Variants in TMEM132D observed in about 807,000 individuals in gnomAD.
TMEM132D encodes the protein mature OL transmembrane protein.
TMEM132D carries 21 observed loss-of-function variants against 62.3 expected under a neutral mutation model. The observed-to-expected ratio is 0.34, with a 90% confidence interval of 0.24 to 0.49. The LOEUF is 0.49. Among genes scored for constraint, TMEM132D ranks in the 20% least tolerant of loss-of-function variants. The probability of loss-of-function intolerance (pLI) is 0.99; values close to 1 mark genes in which losing one functional copy is unlikely to be tolerated. For missense variants in TMEM132D, 1,346 were observed against 1,402.8 expected, an observed-to-expected ratio of 0.96 and a Z score of 0.65; for synonymous variants, 621 against 575.6, an observed-to-expected ratio of 1.08 and a Z score of -1.13.
chr12:129,583,149 T>G (rs556860372), intron 2 of TMEM132D, among the ~76,000 whole-genome samples: 72 of 152,348 alleles, frequency 4.7e-4, no homozygotes, highest in African/African-American at 1.6e-3. Context: ...ATGGGAATAA[T>G]TTAAAAGAGG....
intron 5 of TMEM132D, among the ~76,000 whole-genome samples, chr12:129,136,955 C>G (rs1054835303): frequency 2.0e-5 from 3 of 147,286 alleles, no homozygotes; most frequent in Non-Finnish European, 4.5e-5. Context: ...ACCATCATCA[C>G]CATCATTATC....
At chr12:129,166,433 G>A (rs1365252879) in intron 5 of TMEM132D, among the ~76,000 whole-genome samples, 2 of 152,020 alleles carry the variant, frequency 1.3e-5, no homozygotes, top group Non-Finnish European at 2.9e-5. Flanking sequence ...GAATGTGGGC[G>A]GATGTGGCAG....
At chr12:129,452,982 C>G (rs12817134) in intron 3 of TMEM132D, among the ~76,000 whole-genome samples, 20,632 of 152,208 alleles carry the variant, frequency 0.14, 1,683 homozygotes, top group Middle Eastern at 0.23. Context: ...CTGGACCCCA[C>G]AGCAGGAGGT....
intron 2 of TMEM132D, among the ~76,000 whole-genome samples, chr12:129,690,921 A>G (rs11060500): frequency 0.028 from 4,259 of 152,248 alleles, 80 homozygotes; most frequent in South Asian, 0.063. Flanking sequence ...TGAAACATTT[A>G]CCAAGAAAGA....
At chr12:129,397,497 T>C (rs542127888) in intron 3 of TMEM132D, among the ~76,000 whole-genome samples, 1 of 152,300 alleles carries the variant, frequency 6.6e-6, no homozygotes, top group South Asian at 2.1e-4. Flanking sequence ...CTGGAATCCA[T>C]GAGAAACTTC....
At chr12:129,224,086 G>A (rs117858277) in intron 4 of TMEM132D, among the ~76,000 whole-genome samples, 1,903 of 152,274 alleles carry the variant, frequency 0.012, 19 homozygotes, top group Non-Finnish European at 0.02. Flanking sequence ...TCCTGAGGGA[G>A]AAAAATCACT....
In TMEM132D at chr12:129,356,147, A is replaced by ATTTTTTT. The variant is rs35842499; in HGVS notation, c.1116-18337_1116-18331dup. Among the ~76,000 whole-genome samples the ATTTTTTT allele has an allele frequency of 3.3e-4, 12 of 36,546 alleles. 2 individuals are homozygous for ATTTTTTT. The highest frequency in any genetic ancestry group is 8.7e-4 in the African/African-American group (7 of 8,072). The allele number at this position is 36,546 out of a possible 152,430, so 24.0% of individuals were successfully genotyped here. On this transcript the variant is annotated intron_variant, in intron 3 of 8. Coordinates refer to ENST00000422113, the MANE Select transcript of TMEM132D (RefSeq NM_133448.3). Reference sequence around the variant, plus strand: ...GTCTGCTTCTAGAGAAACTGAAGGGATTTTTTTTTTTTTTTTTTTTTTTTT... The same window carrying ATTTTTTT: ...GTCTGCTTCTAGAGAAACTGAAGGGATTTTTTTTTTTTTTTTTTTTTTTTTTTTTTTT...
chr12:129,708,630 AACACAC>A (rs869069705), intron 1 of TMEM132D, among the ~76,000 whole-genome samples: 3,214 of 106,512 alleles, frequency 0.03, 596 homozygotes, highest in Middle Eastern at 0.068. Context: ...AAAAAAAAAA[AACACAC>A]ACACACACAC....
At chr12:129,688,566 C>T (rs1324918158) in intron 2 of TMEM132D, among the ~76,000 whole-genome samples, 1 of 152,140 alleles carries the variant, frequency 6.6e-6, no homozygotes, top group African/African-American at 2.4e-5. Context: ...ACCCACACCA[C>T]TGCTTCATGT....
chr12:129,793,790 T>C (rs1184101472), intron 1 of TMEM132D, among the ~76,000 whole-genome samples: 2 of 152,208 alleles, frequency 1.3e-5, no homozygotes, highest in East Asian at 3.9e-4. Context: ...CTCCAAAACA[T>C]GCCTTAAACT....
chr12:129,282,497 C>T lies in TMEM132D; in HGVS notation c.1299+55137G>A, dbSNP rs78833011. Among the ~76,000 whole-genome samples the T allele has an allele frequency of 2.4e-3, 362 of 152,266 alleles. 1 individual carries two copies. The highest frequency in any genetic ancestry group is 8.4e-3 in the African/African-American group (347 of 41,548). On this transcript the variant is annotated intron_variant, in intron 4 of 8. Coordinates refer to ENST00000422113, the MANE Select transcript of TMEM132D (RefSeq NM_133448.3). ...CTGAGGTCCAGATGAACACCAGCTA[C>T]GATCCGGGCTGACTAAAAACCGAAG...
chr12:129,203,400 GA>G lies in TMEM132D; in HGVS notation c.1443+6119del, dbSNP rs1312830155. ...TTTTCTTTTAACACTAGTGTTGACT[GA>G]CAGCCAGGAGGGCAATGCTTGCTAG... On this transcript the variant is annotated intron_variant, in intron 5 of 8. Coordinates refer to ENST00000422113, the MANE Select transcript of TMEM132D (RefSeq NM_133448.3). 7.2e-5 allele frequency among the ~76,000 whole-genome samples: 11 copies of G among 152,342 alleles called. No individual in the cohort carries two copies. In the South Asian group the frequency reaches 2.3e-3, roughly 32 times the overall value.
intron 2 of TMEM132D, among the ~76,000 whole-genome samples, chr12:129,632,745 C>G (rs891840555): frequency 1.6e-4 from 25 of 152,242 alleles, no homozygotes; most frequent in Non-Finnish European, 5.9e-5. Context: ...CGAGCTCCCT[C>G]TCCGCATCAT....
At chr12:129,712,132 ATTAT>A (rs1397240712) in intron 1 of TMEM132D, among the ~76,000 whole-genome samples, 2 of 151,908 alleles carry the variant, frequency 1.3e-5, no homozygotes, top group Non-Finnish European at 2.9e-5. Context: ...TATTGTTATT[ATTAT>A]TTTTTTGAGA....
intron 3 of TMEM132D, among the ~76,000 whole-genome samples, chr12:129,407,006 C>T (rs569887570): frequency 3.9e-5 from 6 of 152,320 alleles, no homozygotes; most frequent in South Asian, 4.1e-4. Flanking sequence ...GCAGAAGGTA[C>T]TTGATCAAAG....
At chr12:129,299,420 C>CTTTTTTT (rs34775349) in intron 4 of TMEM132D, among the ~76,000 whole-genome samples, 4 of 127,678 alleles carry the variant, frequency 3.1e-5, no homozygotes, top group African/African-American at 1.2e-4. Context: ...CATAGTTGAA[C>CTTTTTTT]TTTTTTTTTT....
intron 3 of TMEM132D, among the ~76,000 whole-genome samples, chr12:129,448,793 T>C (rs1285387814): frequency 6.6e-6 from 1 of 152,246 alleles, no homozygotes; most frequent in Non-Finnish European, 1.5e-5. Context: ...AGTTCTACCA[T>C]GTCTGCTCAT....
chr12:129,079,965 T>G (rs1385413186), intron 7 of TMEM132D, among the ~76,000 whole-genome samples: 1 of 152,198 alleles, frequency 6.6e-6, no homozygotes, highest in Non-Finnish European at 1.5e-5. Context: ...GCTTTTCCCC[T>G]TTGCACTTAA....
intron 5 of TMEM132D, among the ~76,000 whole-genome samples, chr12:129,182,835 A>G (rs1445306914): frequency 3.3e-5 from 5 of 152,212 alleles, no homozygotes; most frequent in African/African-American, 1.2e-4. Context: ...CCTAAAGCTT[A>G]GCGGCTAAAA....
Sources: allele counts gnomAD v4.1 joint callset (sites outside exome capture counted in the v4.1 genomes callset), GRCh38; gene constraint gnomAD v4.1.1; transcripts MANE v1.5; gene names NCBI Gene and HGNC (gene_info 2026-07-23, HGNC 2026-07-21).